The following TPRG1 variants were observed in gnomAD, a reference collection of about 807,000 sequenced individuals.
TPRG1 encodes the protein tumor protein p63 regulated 1.
A neutral mutation model predicts 29.3 loss-of-function variants in TPRG1; 29 were observed. That is an observed-to-expected ratio of 0.99 (90% CI 0.74 to 1.35). The LOEUF (loss-of-function observed/expected upper bound fraction) is 1.35. Ranked by LOEUF, TPRG1 falls within the 40% of genes most tolerant of loss-of-function variation. The pLI is 0.00. For missense variants in TPRG1, 327 were observed against 335.0 expected (o/e 0.98, Z 0.19); for synonymous variants, 130 against 116.8 (o/e 1.11, Z -0.73).
chr3:189,050,945 A>C (rs1348512302), intron 4 of TPRG1, among the ~76,000 whole-genome samples: 2 of 152,170 alleles, frequency 1.3e-5, no homozygotes, highest in Non-Finnish European at 1.5e-5. Context: ...AATGTAATAA[A>C]AGCCATCTAT....
chr3:189,092,297 C>G (rs1718385900), intron 4 of TPRG1, among the ~76,000 whole-genome samples: 2 of 152,176 alleles, frequency 1.3e-5, no homozygotes, highest in Admixed American at 6.5e-5. Context: ...GCCTGAGATT[C>G]TGCGCCTCTA....
Position 189,269,322 on chromosome 3 carries a change from ATCT to A in TPRG1, c.479+30418_479+30420del, listed in dbSNP as rs540529349. The stretch of plus-strand genomic sequence containing the variant: ...ACTCTCTGTCTCCATGATTTTCTAA[ATCT>A]TCTTTTAATCACCAGCCATATATTA... On this transcript the variant is annotated intron_variant, in intron 4 of 5. Transcript: ENST00000345063. Among the ~76,000 whole-genome samples the A allele has an allele frequency of 3.1e-4, 47 of 152,234 alleles. 1 individual carries two copies. In the South Asian group the frequency reaches 9.1e-3, roughly 30 times the overall value.
intron 2 of TPRG1, among the ~76,000 whole-genome samples, chr3:189,209,469 G>A (rs1461425366): frequency 6.6e-6 from 1 of 152,144 alleles, no homozygotes; most frequent in East Asian, 1.9e-4. Context: ...CATGATGATT[G>A]TATTGGTGTT....
intron 4 of TPRG1, among the ~76,000 whole-genome samples, chr3:189,073,690 A>G (rs1716943491): frequency 6.6e-6 from 1 of 152,144 alleles, no homozygotes; most frequent in Non-Finnish European, 1.5e-5. Context: ...AAAGTGTCAC[A>G]TTCTCCCTTA....
intron 4 of TPRG1, among the ~76,000 whole-genome samples, chr3:189,299,192 T>C (rs1452375414): frequency 3.3e-5 from 5 of 152,116 alleles, no homozygotes; most frequent in Non-Finnish European, 7.4e-5. Context: ...AGGCCAGTGA[T>C]TTGCCAAATG....
intron 4 of TPRG1, among the ~76,000 whole-genome samples, chr3:189,040,156 A>AT (rs1297478003): frequency 6.6e-6 from 1 of 152,114 alleles, no homozygotes; most frequent in Non-Finnish European, 1.5e-5. Context: ...TGGGGGTTAC[A>AT]TTTTTTATAA....
At chr3:189,088,891 A>G (rs1718142254) in intron 4 of TPRG1, among the ~76,000 whole-genome samples, 1 of 152,222 alleles carries the variant, frequency 6.6e-6, no homozygotes, top group Non-Finnish European at 1.5e-5. Context: ...AGATTAAATT[A>G]CCAATGAAGT....
In TPRG1 at chr3:189,077,831, T is replaced by G. The variant is rs143336019; in HGVS notation, c.-462-49226T>G. Reference sequence around the variant, plus strand: ...TCTTTTAGTTGGAGAATTGAGAAATTGCACTGTTAGCTTTGCATTTGTACA... The same window carrying G: ...TCTTTTAGTTGGAGAATTGAGAAATGGCACTGTTAGCTTTGCATTTGTACA... On this transcript the variant is annotated intron_variant, in intron 4 of 10. Coordinates refer to the TPRG1 transcript ENST00000433971. Among the ~76,000 whole-genome samples, 380 of 152,306 alleles carry G rather than the reference T, an allele frequency of 2.5e-3. 2 individuals are homozygous for G. Among genetic ancestry groups the G allele is most frequent in the African/African-American group, 8.1e-3 (338 of 41,580 alleles).
intron 4 of TPRG1, among the ~76,000 whole-genome samples, chr3:189,073,142 G>A (rs1355874910): frequency 6.6e-6 from 1 of 152,136 alleles, no homozygotes; most frequent in Non-Finnish European, 1.5e-5. Context: ...CTATGTGAGT[G>A]CACTGTTTTA....
intron 5 of TPRG1, among the ~76,000 whole-genome samples, chr3:189,318,605 A>C (rs1723918316): frequency 6.6e-6 from 1 of 152,148 alleles, no homozygotes; most frequent in Non-Finnish European, 1.5e-5. Context: ...AGCAGCTCTG[A>C]TGTGATTGAA....
chr3:189,078,058 T>C (rs1237549585), intron 4 of TPRG1, among the ~76,000 whole-genome samples: 26 of 143,196 alleles, frequency 1.8e-4, no homozygotes, highest in African/African-American at 4.8e-4. Context: ...CTTCCTTCCT[T>C]CCTTTCTCTC....
At chr3:189,110,574 T>C (rs562229405) in intron 1 of TPRG1, among the ~76,000 whole-genome samples, 29 of 152,210 alleles carry the variant, frequency 1.9e-4, no homozygotes, top group African/African-American at 6.7e-4. Context: ...AAAATTTGGC[T>C]TAGACTTTTG....
chr3:189,006,574 C>T (rs575301504), intron 3 of TPRG1, among the ~76,000 whole-genome samples: 12 of 152,158 alleles, frequency 7.9e-5, no homozygotes, highest in African/African-American at 2.6e-4. Flanking sequence ...GTTCTAATCA[C>T]AAGGCAAAAA....
At chr3:189,013,463 G>C (rs962408408) in intron 3 of TPRG1, among the ~76,000 whole-genome samples, 3 of 152,102 alleles carry the variant, frequency 2.0e-5, no homozygotes, top group Non-Finnish European at 2.9e-5. Context: ...TTTTGAGTAA[G>C]TGCTATGTGG....
At chr3:189,178,185 G>A (rs1729743138) in intron 1 of TPRG1, among the ~76,000 whole-genome samples, 1 of 152,200 alleles carries the variant, frequency 6.6e-6, no homozygotes, top group Admixed American at 6.5e-5. Flanking sequence ...GGCACCAGCT[G>A]TGAGGAAAAG....
chr3:189,181,898 G>A (rs1435182955), intron 1 of TPRG1, among the ~76,000 whole-genome samples: 1 of 152,224 alleles, frequency 6.6e-6, no homozygotes, highest in East Asian at 1.9e-4. Flanking sequence ...TGGACTTAGA[G>A]TTCCATGTGA....
chr3:189,208,334 GT>G (rs1734727564), intron 2 of TPRG1, among the ~76,000 whole-genome samples: 1 of 152,096 alleles, frequency 6.6e-6, no homozygotes, highest in South Asian at 2.1e-4. Context: ...TAGCTTAGAG[GT>G]TACAATCAAT....
upstream of TPRG1, among the ~76,000 whole-genome samples, chr3:189,099,209 C>T (rs1294477287): frequency 3.3e-5 from 5 of 152,150 alleles, no homozygotes; most frequent in South Asian, 4.1e-4. Context: ...CTTTGGCAGG[C>T]GTTGCCAGGC....
rs930406602 is a variant in TPRG1 at position 189,288,215 on chromosome 3, CTT to C, written c.480-22167_480-22166del. ...TCAGATCAATAATGTAGTTGCTTCA[CTT>C]TTTAAAAAATGAATAACATTGTATG... On this transcript the variant is annotated intron_variant, in intron 4 of 5. Transcript: ENST00000345063. 1.1e-3 allele frequency among the ~76,000 whole-genome samples: 161 copies of C among 152,022 alleles called. 1 individual carries two copies. Among genetic ancestry groups the C allele is most frequent in the Middle Eastern group, 3.4e-3 (1 of 294 alleles).
Sources: gnomAD v4.1 joint callset for allele counts (sites outside exome capture counted in the v4.1 genomes callset) on GRCh38, gnomAD v4.1.1 for gene constraint, MANE v1.5 for transcripts, NCBI Gene and HGNC (gene_info 2026-07-23, HGNC 2026-07-21) for gene names.